The following GRIK2 variants were observed in gnomAD, a reference collection of about 807,000 sequenced individuals.
GRIK2 encodes glutamate receptor ionotropic, kainate 2.
A neutral mutation model predicts 100.3 loss-of-function variants in GRIK2; 32 were observed. The observed-to-expected ratio is 0.32, with a 90% confidence interval of 0.24 to 0.43. The LOEUF (loss-of-function observed/expected upper bound fraction) is 0.43. Ranked by LOEUF, GRIK2 falls within the 20% of genes least tolerant of loss-of-function variation. The pLI is 1.00. For synonymous variants in GRIK2, 417 were observed against 389.4 expected, an observed-to-expected ratio of 1.07 and a Z score of -0.83; for missense variants, 843 against 1,114.9, an observed-to-expected ratio of 0.76 and a Z score of 3.47.
intron 2 of GRIK2, among the ~76,000 whole-genome samples, chr6:101,591,324 A>G (rs1484613965): frequency 1.3e-5 from 2 of 149,606 alleles, no homozygotes; most frequent in African/African-American, 4.9e-5. Context: ...ATCATCCTTT[A>G]TGGTCTAGCT....
chr6:101,797,028 G>A (rs1395709728), intron 7 of GRIK2, among the ~76,000 whole-genome samples: 7 of 151,892 alleles, frequency 4.6e-5, no homozygotes, highest in Non-Finnish European at 8.8e-5. Flanking sequence ...ATTAAATAAG[G>A]TTACTACTCT....
intron 12 of GRIK2, among the ~76,000 whole-genome samples, chr6:101,909,371 G>GTTTTTTTTTTTTTTTTT (rs370241149): frequency 6.0e-5 from 5 of 83,526 alleles, no homozygotes; most frequent in Non-Finnish European, 1.2e-4. Context: ...GGAAGATAGG[G>GTTTTTTTTTTTTTTTTT]TTTTCTTTTT....
chr6:101,497,624 G>A (rs1773517490), intron 2 of GRIK2, among the ~76,000 whole-genome samples: 1 of 151,862 alleles, frequency 6.6e-6, no homozygotes, highest in African/African-American at 2.4e-5. Context: ...TATTGTTTTT[G>A]TTTATATACC....
intron 14 of GRIK2, among the ~76,000 whole-genome samples, chr6:101,959,349 C>T (rs933999963): frequency 6.6e-6 from 1 of 151,952 alleles, no homozygotes; most frequent in Non-Finnish European, 1.5e-5. Context: ...GAAATTTTCT[C>T]TAGTTTTTCT....
rs549510392 is a variant in GRIK2 at position 101,476,835 on chromosome 6, T to C, written c.115+77443T>C. ...CCAAGTGATGTCAAGCTAAGCACTA[T>C]GAATTAATTTCTTGCAATAGTTCAG... On this transcript the variant is annotated intron_variant, in intron 2 of 16. Transcript: ENST00000369134. 1.4e-3 allele frequency among the ~76,000 whole-genome samples: 219 copies of C among 152,274 alleles called. 1 individual carries two copies. Among genetic ancestry groups the C allele is most frequent in the Non-Finnish European group, 2.7e-3 (183 of 68,028 alleles).
In GRIK2 at chr6:101,782,008, G is replaced by T. The variant is rs888338427; in HGVS notation, c.952-17640G>T. On this transcript the variant is annotated intron_variant, in intron 7 of 16. Transcript: ENST00000369134. ...AAAGAGGGCTAGAGAGTTCTCTGGAGTCCCCTTTATTTTATTTTATTGATT... is the reference window on the plus strand; with the variant it reads ...AAAGAGGGCTAGAGAGTTCTCTGGATTCCCCTTTATTTTATTTTATTGATT... Among the ~76,000 whole-genome samples the T allele has an allele frequency of 2.0e-5, 3 of 152,010 alleles. No homozygotes were observed. In the South Asian group the frequency reaches 6.2e-4, roughly 32 times the overall value.
At chr6:101,705,779 C>G (rs1481515264) in intron 7 of GRIK2, among the ~76,000 whole-genome samples, 1 of 151,730 alleles carries the variant, frequency 6.6e-6, no homozygotes, top group Admixed American at 6.6e-5. Context: ...TTTTGCACAC[C>G]AATTAATTTT....
At chr6:101,548,235 A>T (rs553829014) in intron 2 of GRIK2, among the ~76,000 whole-genome samples, 2 of 152,192 alleles carry the variant, frequency 1.3e-5, no homozygotes, top group East Asian at 3.9e-4. Context: ...TTATCAGATG[A>T]GTAGATTGCA....
chr6:102,011,685 G>C (rs1436373504), intron 14 of GRIK2, among the ~76,000 whole-genome samples: 1 of 138,776 alleles, frequency 7.2e-6, no homozygotes, highest in Non-Finnish European at 1.5e-5. Flanking sequence ...CTGGGTTCAC[G>C]CCATTCTCCT....
At chr6:101,494,541 G>A (rs148251263) in intron 2 of GRIK2, among the ~76,000 whole-genome samples, 3 of 151,826 alleles carry the variant, frequency 2.0e-5, no homozygotes, top group Non-Finnish European at 1.5e-5. Flanking sequence ...AAATTAATAA[G>A]AATTAGTATT....
chr6:101,878,874 T>C (rs1322320894), intron 11 of GRIK2, among the ~76,000 whole-genome samples: 2 of 152,032 alleles, frequency 1.3e-5, no homozygotes, highest in Non-Finnish European at 2.9e-5. Flanking sequence ...TTTGACTACC[T>C]GGATCAAGCA....
chr6:101,626,448 G>A lies in GRIK2; in HGVS notation c.352G>A (p.Val118Met). The A allele has an allele frequency of 6.2e-7, 1 of 1,612,972 alleles. No individual in the cohort carries two copies. Among genetic ancestry groups the A allele is most frequent in the Non-Finnish European group, 8.5e-7 (1 of 1,179,090 alleles). The part of the protein sequence containing the change: ...GPSHSSSANA[V>M]QSICNALGVP... Reference sequence around the variant, plus strand: ...TTCACACAGCTCATCAGCAAACGCAGTGCAGTCCATCTGCAATGCTCTGGG... The same window carrying A: ...TTCACACAGCTCATCAGCAAACGCAATGCAGTCCATCTGCAATGCTCTGGG... The change falls in exon 4 of 17, where the codon GTG becomes ATG. Residue 118 changes from valine (V) to methionine (M), a missense_variant. Val to Met is a conservative substitution (Grantham distance 21, BLOSUM62 1). This residue lies in a region of GRIK2 where 519 missense variants were observed against 643.8 expected (regional missense o/e 0.81). Transcript: ENST00000369134.
intron 7 of GRIK2, among the ~76,000 whole-genome samples, chr6:101,709,197 T>C (rs1388608400): frequency 6.6e-6 from 1 of 151,580 alleles, no homozygotes; most frequent in African/African-American, 2.4e-5. Context: ...TGCAAGCCAA[T>C]GAGTAGTAGC....
rs201604231 is a variant in GRIK2 at position 102,035,357 on chromosome 6, C to T, written c.2102C>T (p.Thr701Met). ...TTTCTTCAGAAATCAAAAATCTCCA[C>T]GTATGACAAAATGTGGGCCTTTATG... is the stretch of plus-strand genomic sequence containing the variant. Reference protein sequence around the residue: ...MTFFKKSKISTYDKMWAFMSS... With the variant: ...MTFFKKSKISMYDKMWAFMSS... The change falls in exon 15 of 17, where the codon ACG becomes ATG. Residue 701 changes from threonine (T) to methionine (M), a missense_variant. Thr to Met is a moderately conservative substitution (Grantham distance 81). This residue lies in a region of GRIK2 where 237 missense variants were observed against 388.0 expected (regional missense o/e 0.61). Transcript: ENST00000369134. 8.8e-6 allele frequency: 14 copies of T among 1,597,594 alleles called. No homozygotes were observed. Among genetic ancestry groups the T allele is most frequent in the African/African-American group, 4.0e-5 (3 of 74,184 alleles).
At chr6:101,643,741 G>C (rs1364315122) in intron 4 of GRIK2, among the ~76,000 whole-genome samples, 1 of 151,524 alleles carries the variant, frequency 6.6e-6, no homozygotes, top group African/African-American at 2.4e-5. Flanking sequence ...TTTTAGCTGA[G>C]TTTTTCTGTT....
At chr6:101,667,594 A>G (rs537449380) in intron 4 of GRIK2, among the ~76,000 whole-genome samples, 3 of 152,256 alleles carry the variant, frequency 2.0e-5, no homozygotes, top group South Asian at 4.1e-4. Context: ...TCCTGCTGGA[A>G]TTCTATTTAT....
chr6:101,889,618 TTTTG>T lies in GRIK2; in HGVS notation c.1525-14_1525-11del. Reference sequence around the variant, plus strand: ...CTTTCTTTCTTTCTTTTTTTTTTTTTTTTGTTTGTTTCTGTCTACAGAAAGCTGA... The same window carrying T: ...CTTTCTTTCTTTCTTTTTTTTTTTTTTTTGTTTCTGTCTACAGAAAGCTGA... On this transcript the variant is annotated intron_variant, in intron 11 of 16. Coordinates refer to ENST00000369134, the MANE Select transcript of GRIK2 (RefSeq NM_021956.5). 1 of 1,058,972 alleles carries T rather than the reference TTTTG, an allele frequency of 9.4e-7. No individual in the cohort carries two copies. The highest frequency in any genetic ancestry group is 1.3e-6 in the Non-Finnish European group (1 of 751,496). The allele number at this position is 1,058,972 out of a possible 1,614,324, so 65.6% of individuals were successfully genotyped here.
intron 10 of GRIK2, among the ~76,000 whole-genome samples, chr6:101,836,065 G>A (rs574397107): frequency 6.6e-6 from 1 of 151,410 alleles, no homozygotes; most frequent in Admixed American, 6.6e-5. Context: ...AAGAATTATA[G>A]GTTGAATTTT....
chr6:101,425,520 G>A (rs765340429), intron 2 of GRIK2, among the ~76,000 whole-genome samples: 6 of 152,026 alleles, frequency 3.9e-5, no homozygotes, highest in South Asian at 2.1e-4. Flanking sequence ...ATTCCATTTC[G>A]TGTTTTTCCA....
Sources: gnomAD v4.1 joint callset for allele counts (sites outside exome capture counted in the v4.1 genomes callset) on GRCh38, gnomAD v4.1.1 for gene constraint, gnomAD v4.1.1 regional missense constraint, MANE v1.5 for transcripts, NCBI Gene and HGNC (gene_info 2026-07-23, HGNC 2026-07-21) for gene names.